CCDC74A: variants seen among roughly 807,000 people sequenced by gnomAD.
CCDC74A encodes the protein coiled-coil domain containing 74A, also known as coiled-coil domain-containing protein 74A.
A neutral mutation model predicts 37.6 loss-of-function variants in CCDC74A; 38 were observed. That is an observed-to-expected ratio of 1.01 (90% CI 0.78 to 1.33). CCDC74A has a LOEUF of 1.33. Ranked by LOEUF, CCDC74A falls within the 40% of genes most tolerant of loss-of-function variation. The pLI is 0.00. For synonymous variants in CCDC74A, 134 were observed against 165.2 expected, an observed-to-expected ratio of 0.81 and a Z score of 1.45; for missense variants, 340 against 403.4, an observed-to-expected ratio of 0.84 and a Z score of 1.35.
At chr2:131,529,606 T>G (rs1390793237) in intron 1 of CCDC74A, 41 bp from the exon 2 acceptor site, 1 of 1,613,676 alleles carries the variant, frequency 6.2e-7, no homozygotes, top group Non-Finnish European at 8.5e-7. Context: ...AGAATAGCTG[T>G]GGTTTCACAA....
upstream of CCDC74A, among the ~76,000 whole-genome samples, chr2:131,523,052 G>A (rs1248938386): frequency 6.6e-6 from 1 of 152,132 alleles, no homozygotes; most frequent in Non-Finnish European, 1.5e-5. Context: ...CTACAGGCAT[G>A]CGCCACCGCA....
At chr2:131,530,372 C>T in intron 2 of CCDC74A, 25 of 1,548,186 alleles carry the variant, frequency 1.6e-5, no homozygotes, top group Non-Finnish European at 2.1e-5. Context: ...AGGGCTCTCC[C>T]TTCCCAGGGA....
chr2:131,530,107 A>G (rs1268601435), intron 2 of CCDC74A: 1 of 1,550,228 alleles, frequency 6.5e-7, no homozygotes, highest in Admixed American at 2.0e-5. Context: ...GGGGCTCTGG[A>G]CACACTCCAT....
chr2:131,523,296 A>G (rs2104767903), upstream of CCDC74A, among the ~76,000 whole-genome samples: 3 of 152,306 alleles, frequency 2.0e-5, no homozygotes, highest in South Asian at 6.2e-4. Flanking sequence ...CTCAAGTCAC[A>G]AGGTGCCGAA....
chr2:131,532,734 G>A lies in CCDC74A; in HGVS notation c.631G>A (p.Val211Met). ...GCCCACCACACTTAGGCAGTGCGAA[G>A]TGCTCATCCGCGAGCTGTGGAATAC... ...RKPTTLRQCE[V>M]LIRELWNTNL... The change falls in exon 5 of 8, where the codon GTG becomes ATG. Residue 211 changes from valine (V) to methionine (M), a missense_variant. Val to Met is a conservative substitution (Grantham distance 21). Transcript: ENST00000409856. The A allele has an allele frequency of 6.2e-7, 1 of 1,613,686 alleles. No homozygotes were observed. The highest frequency in any genetic ancestry group is 8.5e-7 in the Non-Finnish European group (1 of 1,179,810).
At chr2:131,524,990 G>A (rs1216169001), upstream of CCDC74A, among the ~76,000 whole-genome samples, 1 of 151,486 alleles carries the variant, frequency 6.6e-6, no homozygotes, top group Non-Finnish European at 1.5e-5. Flanking sequence ...GAGCCCAGGA[G>A]TTCCAGGCTG....
chr2:131,528,067 T>C lies in CCDC74A; in HGVS notation c.97T>C (p.Ser33Pro). 1 of 1,604,040 alleles carries C rather than the reference T, an allele frequency of 6.2e-7. No homozygotes were observed. Among genetic ancestry groups the C allele is most frequent in the Non-Finnish European group, 8.5e-7 (1 of 1,176,306 alleles). ...RRQRPSVGVQ[S>P]LRPQSPQLRQ... ...CCAGCGCCCCTCTGTGGGCGTCCAG[T>C]CCTTGAGGCCGCAGAGCCCGCAGCT... is the stretch of plus-strand genomic sequence containing the variant. Residue 33 changes from serine (S) to proline (P), a missense_variant, in exon 1 of 8, where the codon TCC (serine) becomes CCC (proline). By Grantham distance (74) the Ser-to-Pro change is moderately conservative. Coordinates refer to ENST00000409856, the MANE Select transcript of CCDC74A (RefSeq NM_001258306.3).
intron 4 of CCDC74A, among the ~76,000 whole-genome samples, 155 bp downstream of exon 4, chr2:131,531,957 G>A (rs1163346322): frequency 6.8e-6 from 1 of 146,204 alleles, no homozygotes; most frequent in Admixed American, 6.8e-5. Context: ...GCTCATGATA[G>A]CAGATGACGG....
At position 131,532,751 on chromosome 2, in the gene CCDC74A, G is replaced by A. The variant is rs1681575679; in HGVS notation, c.648G>A (p.Leu216=). Reference sequence around the variant, plus strand: ...AGTGCGAAGTGCTCATCCGCGAGCTGTGGAATACCAACCTCCTGCAGACCC... The same window carrying A: ...AGTGCGAAGTGCTCATCCGCGAGCTATGGAATACCAACCTCCTGCAGACCC... The part of the protein sequence containing the change: ...LRQCEVLIRE[L]WNTNLLQTQE... Residue 216 remains leucine (L), a synonymous_variant, in exon 5 of 8, where the codon CTG becomes CTA. Coordinates refer to ENST00000409856, the MANE Select transcript of CCDC74A (RefSeq NM_001258306.3). 1 of 1,613,558 alleles carries A rather than the reference G, an allele frequency of 6.2e-7. No homozygotes were observed. Among genetic ancestry groups the A allele is most frequent in the Admixed American group, 1.7e-5 (1 of 59,990 alleles).
intron 4 of CCDC74A, 77 bp downstream of exon 4, chr2:131,531,879 A>G (rs1681374661): frequency 6.7e-7 from 1 of 1,491,024 alleles, no homozygotes; most frequent in African/African-American, 1.5e-5. Context: ...CCATGACTAC[A>G]TTTACTAGGC....
At position 131,533,373 on chromosome 2, in the gene CCDC74A, G is replaced by A. The variant is rs368704110; in HGVS notation, c.914G>A (p.Arg305Gln). The A allele has an allele frequency of 4.5e-5, 73 of 1,613,366 alleles. No homozygotes were observed. Among genetic ancestry groups the A allele is most frequent in the African/African-American group, 2.9e-4 (22 of 74,938 alleles). ...AAGAGGCTGCAGGCAATGCAGAAAC[G>A]GCGCCTGCATCGCTCAGTGCTTTGA... ...RQKRLQAMQK[R>Q]RLHRSVL The change falls in exon 8 of 8, where the codon CGG (arginine) becomes CAG (glutamine). Residue 305 changes from arginine to glutamine, a missense_variant. Physicochemically the swap from Arg to Gln is conservative, Grantham distance 43. This residue lies in a region of CCDC74A where 185 missense variants were observed against 231.5 expected (regional missense o/e 0.80). Coordinates refer to ENST00000409856, the MANE Select transcript of CCDC74A (RefSeq NM_001258306.3).
In CCDC74A at chr2:131,533,585, T is replaced by C. The variant is rs1283206433; in HGVS notation, c.*187T>C. The C allele has an allele frequency of 3.6e-5, 29 of 813,656 alleles. No homozygotes were observed. Among genetic ancestry groups the C allele is most frequent in the Non-Finnish European group, 5.1e-5 (27 of 530,320 alleles). 50.4% of individuals were successfully genotyped at this position (813,656 alleles called of 1,614,324 possible). ...TTATTTTCTAGCTGTTATTTTGCTA[T>C]TTGGCATTTACATAAAAGCACACGA... On this transcript the variant is annotated 3_prime_UTR_variant, in exon 8 of 8. Coordinates refer to ENST00000409856, the MANE Select transcript of CCDC74A (RefSeq NM_001258306.3).
chr2:131,524,510 A>G (rs1274686675), upstream of CCDC74A, among the ~76,000 whole-genome samples: 1 of 152,136 alleles, frequency 6.6e-6, no homozygotes, highest in Non-Finnish European at 1.5e-5. Context: ...AGAGCGGGCA[A>G]TAAGAGCCCC....
upstream of CCDC74A, chr2:131,527,862 C>G: frequency 2.1e-6 from 3 of 1,406,910 alleles, no homozygotes; most frequent in Non-Finnish European, 2.8e-6. Flanking sequence ...CGCCAACCGC[C>G]TCGCGCCTTC....
At chr2:131,524,236 A>T (rs369716104), upstream of CCDC74A, among the ~76,000 whole-genome samples, 3 of 152,138 alleles carry the variant, frequency 2.0e-5, no homozygotes, top group African/African-American at 7.2e-5. Flanking sequence ...TGCTAACACA[A>T]TAACACTGGG....
upstream of CCDC74A, among the ~76,000 whole-genome samples, chr2:131,523,078 A>C (rs1680179285): frequency 6.6e-6 from 1 of 151,970 alleles, no homozygotes; most frequent in Admixed American, 6.6e-5. Flanking sequence ...CTAATTTTTA[A>C]ATTTTTTTGT....
At chr2:131,525,708 T>C (rs1414755634), upstream of CCDC74A, among the ~76,000 whole-genome samples, 1 of 138,722 alleles carries the variant, frequency 7.2e-6, no homozygotes, top group Non-Finnish European at 1.5e-5. Context: ...CCACTATGCC[T>C]GCCTTTTTTT....
At chr2:131,530,232 C>T (rs769952751) in intron 2 of CCDC74A, 12 of 1,547,162 alleles carry the variant, frequency 7.8e-6, no homozygotes, top group Non-Finnish European at 8.7e-6. Context: ...GCGGCCCCCA[C>T]CCAGCCCAGG....
rs768773435 is a variant in CCDC74A, at chr2:131,530,212, C to T, written c.295+521C>T. Reference sequence around the variant, plus strand: ...TTGCCACTTGTCCAAGGCACTTCCCCATCCTGACAGCGGCCCCCACCCAGC... The same window carrying T: ...TTGCCACTTGTCCAAGGCACTTCCCTATCCTGACAGCGGCCCCCACCCAGC... On this transcript the variant is annotated intron_variant, in intron 2 of 7. Transcript: ENST00000409856. 26 of 1,548,244 alleles carry T rather than the reference C, an allele frequency of 1.7e-5. No individual in the cohort carries two copies. In the African/African-American group the frequency reaches 3.1e-4, roughly 19 times the overall value.
Sources: gnomAD v4.1 joint callset for allele counts (sites outside exome capture counted in the v4.1 genomes callset) on GRCh38, gnomAD v4.1.1 for gene constraint, gnomAD v4.1.1 regional missense constraint, MANE v1.5 for transcripts, NCBI Gene and HGNC (gene_info 2026-07-23, HGNC 2026-07-21) for gene names.